Variants in AK7 observed in about 807,000 individuals in gnomAD.
AK7 encodes ATP-AMP transphosphorylase 7.
Under a neutral mutation model 96.6 loss-of-function variants are expected in AK7, and 78 were observed. That is an observed-to-expected ratio of 0.81 (90% CI 0.67 to 0.97). The LOEUF is 0.97. Ranked by LOEUF, AK7 falls within the 50% of genes least tolerant of loss-of-function variation. AK7 has a pLI of 0.00. For synonymous variants in AK7, 302 were observed against 317.2 expected (o/e 0.95, Z 0.51); for missense variants, 855 against 887.9 (o/e 0.96, Z 0.47).
chr14:96,410,168 A>AC (rs1389870676), intron 4 of AK7, among the ~76,000 whole-genome samples: 6 of 152,160 alleles, frequency 3.9e-5, no homozygotes, highest in Admixed American at 3.9e-4. Flanking sequence ...TGGACTGAGA[A>AC]CCCCTTGAGG....
At chr14:96,454,483 T>A (rs1285587810) in intron 10 of AK7, among the ~76,000 whole-genome samples, 1 of 151,792 alleles carries the variant, frequency 6.6e-6, no homozygotes, top group Non-Finnish European at 1.5e-5. Context: ...TTAGAATAAC[T>A]TTTTTAAAAA....
Position 96,451,550 on chromosome 14 carries a change from A to C in AK7, c.1078A>C (p.Lys360Gln), listed in dbSNP as rs140034560. 3 of 1,554,054 alleles carry C rather than the reference A, an allele frequency of 1.9e-6. No homozygotes were observed. The highest frequency in any genetic ancestry group is 2.6e-6 in the Non-Finnish European group (3 of 1,146,018). Residue 360 changes from lysine (K) to glutamine (Q), a missense_variant, in exon 10 of 18, where the codon AAG becomes CAG. Lys to Gln is a moderately conservative substitution (Grantham distance 53, BLOSUM62 1). Coordinates refer to ENST00000267584, the MANE Select transcript of AK7 (RefSeq NM_152327.5). ...ENINTILKEY[K>Q]QSRGLMPIKI... is the part of the protein sequence containing the mutation. ...TATCAACACTATCCTCAAGGAGTAC[A>C]AGCAAAGCAGAGGATTGATGGTAAC... is the stretch of plus-strand genomic sequence containing the variant.
intron 2 of AK7, among the ~76,000 whole-genome samples, chr14:96,403,343 A>C (rs1326964851): frequency 1.3e-5 from 2 of 152,146 alleles, no homozygotes; most frequent in East Asian, 3.9e-4. Context: ...GGCACAGAAC[A>C]GACTCTCCCT....
At chr14:96,480,098 T>C (rs1895429203) in intron 15 of AK7, among the ~76,000 whole-genome samples, 1 of 152,154 alleles carries the variant, frequency 6.6e-6, no homozygotes, top group African/African-American at 2.4e-5. Context: ...CATTTTGTTA[T>C]TCCTACCAAC....
At chr14:96,448,126 C>CAAAA (rs557075450) in intron 8 of AK7, among the ~76,000 whole-genome samples, 1 of 81,942 alleles carries the variant, frequency 1.2e-5, no homozygotes. Flanking sequence ...GAGACCCTGT[C>CAAAA]AAAAAAAAAA....
At chr14:96,424,093 T>G in intron 5 of AK7, 1 of 680,952 alleles carries the variant, frequency 1.5e-6, no homozygotes, top group Non-Finnish European at 2.8e-6. Flanking sequence ...CTGGGTGGGA[T>G]CGGGCACGGT....
intron 12 of AK7, among the ~76,000 whole-genome samples, chr14:96,467,709 A>G (rs535441099): frequency 6.6e-6 from 1 of 152,270 alleles, no homozygotes; most frequent in South Asian, 2.1e-4. Context: ...ATTTATCCAA[A>G]TATCAAACTG....
At chr14:96,475,770 G>A (rs1436965206) in intron 14 of AK7, among the ~76,000 whole-genome samples, 1 of 152,002 alleles carries the variant, frequency 6.6e-6, no homozygotes, top group Admixed American at 6.6e-5. Flanking sequence ...CCAGGAGTTG[G>A]AGACCAGCAT....
At chr14:96,414,173 T>C (rs1652555262) in intron 4 of AK7, among the ~76,000 whole-genome samples, 1 of 152,362 alleles carries the variant, frequency 6.6e-6, no homozygotes, top group East Asian at 1.9e-4. Flanking sequence ...TCCAGGCTCC[T>C]TCTGTTGGAT....
rs1895927492 is a variant in AK7 at position 96,489,008 on chromosome 14, T to C, written c.*665T>C. 6.6e-6 allele frequency: 1 copy of C among 152,204 alleles called. No homozygotes were observed. Among genetic ancestry groups the C allele is most frequent in the Non-Finnish European group, 1.5e-5 (1 of 68,032 alleles). 9.4% of individuals were successfully genotyped at this position (152,204 alleles called of 1,614,324 possible). A position where few individuals can be genotyped will look rare whatever the true frequency, so the allele number is the denominator to read the frequency against. On this transcript the variant is annotated 3_prime_UTR_variant, in exon 18 of 18. Coordinates refer to ENST00000267584, the MANE Select transcript of AK7 (RefSeq NM_152327.5). Reference sequence around the variant, plus strand: ...TGCTAAATATTTTCAACACACTTTATAACATAGGCATAAGTTATCAATCCT... The same window carrying C: ...TGCTAAATATTTTCAACACACTTTACAACATAGGCATAAGTTATCAATCCT...
At position 96,396,332 on chromosome 14, in the gene AK7, T is replaced by C. The variant is rs569142740; in HGVS notation, c.106-1743T>C. Among the ~76,000 whole-genome samples, 14 of 152,322 alleles carry C rather than the reference T, an allele frequency of 9.2e-5. No homozygotes were observed. In the South Asian group the frequency reaches 2.9e-3, roughly 32 times the overall value. On this transcript the variant is annotated intron_variant, in intron 1 of 17. Coordinates refer to ENST00000267584, the MANE Select transcript of AK7 (RefSeq NM_152327.5). ...TCCAAGGAATATGGGAGTGGGAATA[T>C]GAGGAATATAAGAGAAATGGAAGCT...
In AK7 at chr14:96,478,640, T is replaced by G. The variant is rs200446591; in HGVS notation, c.1731T>G (p.Leu577=). The G allele has an allele frequency of 9.3e-6, 15 of 1,614,076 alleles. No individual in the cohort carries two copies. The East Asian group carries it at 3.1e-4, about 34-fold the overall frequency. ...DETVFNYFDE[L]EIHPIHIDVG... ...CTGTCTTCAACTATTTTGATGAACT[T>G]GAAATTCACCCGATACATATTGGTA... Residue 577 remains leucine, a synonymous_variant, in exon 15 of 18, where the codon CTT becomes CTG. Coordinates refer to ENST00000267584, the MANE Select transcript of AK7 (RefSeq NM_152327.5).
chr14:96,460,759 C>G (rs903633474), intron 12 of AK7, among the ~76,000 whole-genome samples: 2 of 152,126 alleles, frequency 1.3e-5, no homozygotes, highest in Non-Finnish European at 2.9e-5. Flanking sequence ...CGCGACTGAC[C>G]GGGGCTATTT....
chr14:96,480,493 C>G (rs1038439), intron 15 of AK7, among the ~76,000 whole-genome samples: 2 of 152,048 alleles, frequency 1.3e-5, no homozygotes, highest in African/African-American at 4.8e-5. Context: ...TCTGCACCCT[C>G]AGAGCAGTGA....
intron 12 of AK7, among the ~76,000 whole-genome samples, chr14:96,462,747 G>A (rs1288154587): frequency 6.6e-6 from 1 of 152,098 alleles, no homozygotes; most frequent in African/African-American, 2.4e-5. Context: ...TGTCTCTACT[G>A]TACATGGGTC....
chr14:96,446,992 C>A (rs911839142), intron 8 of AK7, among the ~76,000 whole-genome samples: 2 of 151,918 alleles, frequency 1.3e-5, no homozygotes, highest in Non-Finnish European at 2.9e-5. Context: ...AAGTTTTGCC[C>A]CCAATCAGTT....
intron 8 of AK7, among the ~76,000 whole-genome samples, chr14:96,448,591 C>T (rs1423303166): frequency 1.4e-5 from 2 of 139,026 alleles, no homozygotes; most frequent in Non-Finnish European, 3.0e-5. Context: ...AATTGCACCA[C>T]TGCACTGCAG....
Position 96,420,813 on chromosome 14 carries a change from TTATAA to T in AK7, c.499-6_499-2del. The stretch of plus-strand genomic sequence containing the variant: ...CAAGTCTGTACCTTTTCTTTCTTTC[TTATAA>T]TAGGAGGATTCTGAGGTTCCATTCA... On this transcript the variant is annotated splice_polypyrimidine_tract_variant and splice_region_variant and intron_variant, in intron 4 of 17. Coordinates refer to ENST00000267584, the MANE Select transcript of AK7 (RefSeq NM_152327.5). 1 of 1,591,626 alleles carries T rather than the reference TTATAA, an allele frequency of 6.3e-7. No homozygotes were observed. The highest frequency in any genetic ancestry group is 8.6e-7 in the Non-Finnish European group (1 of 1,162,244).
Position 96,447,990 on chromosome 14 carries a change from G to T in AK7, c.870+1383G>T, listed in dbSNP as rs112778712. ...AAAAAAATATACAGAAATTAGCCGT[G>T]CATGGTGGTGTGCCTGTAGTCCCAG... On this transcript the variant is annotated intron_variant, in intron 8 of 17. Transcript: ENST00000267584. 6.5e-3 allele frequency among the ~76,000 whole-genome samples: 994 copies of T among 151,954 alleles called. 8 individuals are homozygous for T. The highest frequency in any genetic ancestry group is 0.022 in the African/African-American group (927 of 41,438).
Sources: gnomAD v4.1 joint callset for allele counts (sites outside exome capture counted in the v4.1 genomes callset) on GRCh38, gnomAD v4.1.1 for gene constraint, MANE v1.5 for transcripts, NCBI Gene and HGNC (gene_info 2026-07-23, HGNC 2026-07-21) for gene names.